The following SYNE1 variants were observed in gnomAD, a reference collection of about 807,000 sequenced individuals.
The protein encoded by SYNE1 is spectrin repeat containing nuclear envelope protein 1.
Under a neutral mutation model 1,111.0 loss-of-function variants are expected in SYNE1, and 616 were observed. The ratio of observed to expected loss-of-function variants is 0.55; its 90% CI spans 0.52 to 0.59. The LOEUF is 0.59. SYNE1 is among the 20% of genes least tolerant of loss of function. The pLI is 0.00. For synonymous variants in SYNE1, 3,855 were observed against 3,825.8 expected, an observed-to-expected ratio of 1.01 and a Z score of -0.28; for missense variants, 10,006 against 10,417.0, an observed-to-expected ratio of 0.96 and a Z score of 1.72.
At chr6:152,192,986 C>T (rs1320024813) in intron 127 of SYNE1, among the ~76,000 whole-genome samples, 1 of 152,120 alleles carries the variant, frequency 6.6e-6, no homozygotes, top group Non-Finnish European at 1.5e-5. Context: ...TTGTAGGCAA[C>T]AGATCATTGG....
At chr6:152,136,875 C>A (rs2057212001) in intron 140 of SYNE1, 57 bp from the exon 141 acceptor site, 2 of 1,575,826 alleles carry the variant, frequency 1.3e-6, no homozygotes, top group Non-Finnish European at 1.7e-6. Context: ...GATATTTTCC[C>A]TTGAAAATGT....
chr6:152,324,622 G>T (rs1172188745), intron 81 of SYNE1, among the ~76,000 whole-genome samples: 1 of 151,928 alleles, frequency 6.6e-6, no homozygotes, highest in Non-Finnish European at 1.5e-5. Flanking sequence ...GTGAAACCTC[G>T]TCTCTAATAA....
chr6:152,444,434 G>A lies in SYNE1; in HGVS notation c.3814C>T (p.Gln1272Ter). The A allele has an allele frequency of 6.2e-7, 1 of 1,613,934 alleles. No homozygotes were observed. The part of the protein sequence containing the change: ...ILDTENLFEA[Q>*]QLLLHHQQKT... ...ACCTGGTGATGAAGAAGTAACTGCT[G>A]TGCTTCAAACAGATTTTCAGTATCC... Residue 1272 changes from glutamine to a stop codon, truncating the protein, a stop_gained, in exon 30 of 146, where the codon CAG (glutamine) becomes TAG (stop). Transcript: ENST00000367255. LOFTEE classifies it high-confidence loss of function.
intron 126 of SYNE1, among the ~76,000 whole-genome samples, chr6:152,202,346 CAAAAA>C (rs35563822): frequency 6.2e-5 from 3 of 48,040 alleles, no homozygotes; most frequent in African/African-American, 2.0e-4. Flanking sequence ...GACTCTGTCT[CAAAAA>C]AAAAAAAAAA....
At chr6:152,361,561 A>C (rs1211401797) in intron 64 of SYNE1, among the ~76,000 whole-genome samples, 3 of 152,192 alleles carry the variant, frequency 2.0e-5, no homozygotes, top group Non-Finnish European at 4.4e-5. Context: ...ACAAATGAGC[A>C]GGAATAGAGA....
At chr6:152,429,744 G>A (rs1297945045) in intron 36 of SYNE1, among the ~76,000 whole-genome samples, 1 of 152,156 alleles carries the variant, frequency 6.6e-6, no homozygotes, top group South Asian at 2.1e-4. Context: ...TCTGAGTACA[G>A]TGGGTTAAAA....
At chr6:152,368,845 T>A (rs1680607013) in intron 61 of SYNE1, 127 bp downstream of exon 61, 1 of 1,159,716 alleles carries the variant, frequency 8.6e-7, no homozygotes, top group Non-Finnish European at 1.3e-6. Context: ...CACACGCCCC[T>A]TACTGCTGAC....
At chr6:152,409,752 AG>A in intron 42 of SYNE1, 43 bp from the exon 43 acceptor site, 2 of 1,606,150 alleles carry the variant, frequency 1.2e-6, no homozygotes, top group Non-Finnish European at 1.7e-6. Flanking sequence ...GTCATGTATC[AG>A]GAAAAGGGAG....
At chr6:152,228,393 A>G (rs1236197328) in intron 115 of SYNE1, among the ~76,000 whole-genome samples, 1 of 152,140 alleles carries the variant, frequency 6.6e-6, no homozygotes, top group African/African-American at 2.4e-5. Context: ...CTTAGGTCCT[A>G]CACTTGGTAA....
At chr6:152,548,950 C>G (rs919381145) in intron 3 of SYNE1, among the ~76,000 whole-genome samples, 1 of 152,154 alleles carries the variant, frequency 6.6e-6, no homozygotes, top group Non-Finnish European at 1.5e-5. Context: ...TCTTGGATCT[C>G]CATCCTAAAA....
intron 39 of SYNE1, among the ~76,000 whole-genome samples, chr6:152,421,478 G>A (rs946143715): frequency 6.6e-6 from 1 of 151,878 alleles, no homozygotes; most frequent in African/African-American, 2.4e-5. Flanking sequence ...TTTGTCTTTG[G>A]TAGAAATTGG....
Position 152,300,865 on chromosome 6 carries a change from G to A in SYNE1, c.17542-84C>T. 6.3e-6 allele frequency: 10 copies of A among 1,597,380 alleles called. No homozygotes were observed. In the South Asian group the frequency reaches 1.0e-4, roughly 16 times the overall value. ...TCCTGTTCAGGCACAGGCCAAAACAGAGTTAATTATAAAACGAAGGTTAAA... is the reference window on the plus strand; with the variant it reads ...TCCTGTTCAGGCACAGGCCAAAACAAAGTTAATTATAAAACGAAGGTTAAA... On this transcript the variant is annotated intron_variant, in intron 92 of 145. Transcript: ENST00000367255.
At chr6:152,470,559 A>G (rs1481282677) in intron 16 of SYNE1, among the ~76,000 whole-genome samples, 1 of 152,188 alleles carries the variant, frequency 6.6e-6, no homozygotes, top group African/African-American at 2.4e-5. Context: ...GAAAGATTTT[A>G]CTGTAAAGCA....
intron 131 of SYNE1, among the ~76,000 whole-genome samples, chr6:152,163,642 C>T (rs1361785223): frequency 1.3e-5 from 2 of 152,062 alleles, no homozygotes; most frequent in Non-Finnish European, 2.9e-5. Flanking sequence ...TTGCTACACA[C>T]ATGAAAGTGG....
At chr6:152,333,863 C>G in intron 77 of SYNE1, 145 bp downstream of exon 77, 1 of 1,094,870 alleles carries the variant, frequency 9.1e-7, no homozygotes, top group Non-Finnish European at 1.4e-6. Flanking sequence ...GAACTCCTGA[C>G]CTCAACTAAT....
intron 36 of SYNE1, among the ~76,000 whole-genome samples, chr6:152,429,487 A>G (rs1051753907): frequency 6.6e-6 from 1 of 152,198 alleles, no homozygotes; most frequent in Admixed American, 6.5e-5. Context: ...GCCTTTGTCA[A>G]TGGCTTGTTT....
intron 10 of SYNE1, among the ~76,000 whole-genome samples, chr6:152,502,030 C>G (rs1161925288): frequency 6.6e-6 from 1 of 152,036 alleles, no homozygotes; most frequent in Non-Finnish European, 1.5e-5. Flanking sequence ...TATAGGTTCT[C>G]TCTAGAAGGT....
At position 152,472,240 on chromosome 6, in the gene SYNE1, TA is replaced by T. The variant is rs60213252; in HGVS notation, c.1463+60del. 0.13 allele frequency: 175,559 copies of T among 1,382,244 alleles called. 14,002 individuals are homozygous for T. The highest frequency in any genetic ancestry group is 0.43 in the East Asian group (18,573 of 43,622). 85.6% of individuals were successfully genotyped at this position (1,382,244 alleles called of 1,614,324 possible). A position where few individuals can be genotyped will look rare whatever the true frequency, so the allele number is the denominator to read the frequency against. ...AAATCATGAAAAAATAAAAGAAATA[TA>T]AAAAGCGTCCACCTAGTGTTTTAAA... is the stretch of plus-strand genomic sequence containing the variant. On this transcript the variant is annotated intron_variant, in intron 15 of 145. Coordinates refer to ENST00000367255, the MANE Select transcript of SYNE1 (RefSeq NM_182961.4).
At chr6:152,598,994 T>C (rs759776243) in intron 3 of SYNE1, among the ~76,000 whole-genome samples, 5 of 152,176 alleles carry the variant, frequency 3.3e-5, no homozygotes, top group Non-Finnish European at 7.3e-5. Context: ...CTCTTCTGAG[T>C]CTTATACTGT....
Sources: gnomAD v4.1 joint callset for allele counts (sites outside exome capture counted in the v4.1 genomes callset) on GRCh38, gnomAD v4.1.1 for gene constraint, MANE v1.5 for transcripts, NCBI Gene and HGNC (gene_info 2026-07-23, HGNC 2026-07-21) for gene names.